Variants in NPAS3 observed in about 807,000 individuals in gnomAD.
NPAS3 encodes neuronal PAS domain-containing protein 3.
Under a neutral mutation model 73.1 loss-of-function variants are expected in NPAS3, and 14 were observed. The ratio of observed to expected loss-of-function variants is 0.19; its 90% CI spans 0.13 to 0.30. The LOEUF (loss-of-function observed/expected upper bound fraction) is 0.30, where lower values mean the gene tolerates loss of function less well. NPAS3 is among the 10% of genes least tolerant of loss of function. The pLI, the probability that NPAS3 is intolerant of heterozygous loss-of-function variation, is 1.00. For synonymous variants in NPAS3, 620 were observed against 541.5 expected (o/e 1.14, Z -2.01); for missense variants, 1,096 against 1,250.0 (o/e 0.88, Z 1.86).
At chr14:33,187,992 C>G (rs10149666) in intron 2 of NPAS3, among the ~76,000 whole-genome samples, 145,238 of 152,210 alleles carry the variant, frequency 0.95, 69,476 homozygotes, top group Non-Finnish European at 0.99. Context: ...TTTGCAAATG[C>G]AAAAGCTGAA....
intron 3 of NPAS3, among the ~76,000 whole-genome samples, chr14:33,358,207 C>T (rs1049874540): frequency 6.1e-4 from 93 of 152,180 alleles, no homozygotes; most frequent in African/African-American, 2.1e-3. Context: ...CAGGTGTGCA[C>T]GTCAGGGTTT....
chr14:33,180,603 T>C (rs187933471), intron 2 of NPAS3, among the ~76,000 whole-genome samples: 1 of 151,938 alleles, frequency 6.6e-6, no homozygotes, highest in Non-Finnish European at 1.5e-5. Context: ...ATCGAGACCA[T>C]CCTGGCTAAC....
Position 33,460,626 on chromosome 14 carries a change from C to T in NPAS3, c.468+93358C>T, listed in dbSNP as rs557324182. 1.7e-4 allele frequency among the ~76,000 whole-genome samples: 26 copies of T among 152,252 alleles called. No homozygotes were observed. In the South Asian group the frequency reaches 2.5e-3, roughly 15 times the overall value. On this transcript the variant is annotated intron_variant, in intron 4 of 11. Transcript: ENST00000356141. ...ATTGAATAATCACGTATATTTTCGGCGTACCCTACTGCCTCCTACCCTCCT... is the reference window on the plus strand; with the variant it reads ...ATTGAATAATCACGTATATTTTCGGTGTACCCTACTGCCTCCTACCCTCCT...
At chr14:33,656,701 A>T (rs1029937218) in intron 5 of NPAS3, among the ~76,000 whole-genome samples, 9 of 152,196 alleles carry the variant, frequency 5.9e-5, no homozygotes, top group African/African-American at 1.9e-4. Context: ...TTTCACAGTT[A>T]CCTTTCTTTG....
chr14:33,515,821 C>T (rs1157651273), intron 4 of NPAS3, among the ~76,000 whole-genome samples: 2 of 152,078 alleles, frequency 1.3e-5, no homozygotes, highest in African/African-American at 2.4e-5. Flanking sequence ...AACACCTTTA[C>T]GATCTCTTTT....
intron 4 of NPAS3, 112 bp from the exon 5 acceptor site, chr14:33,560,009 C>CAA (rs33950536): frequency 0.036 from 14,183 of 389,920 alleles, 1 homozygote; most frequent in East Asian, 0.062. Context: ...GACTCTGTCT[C>CAA]AAAAAAAAAA....
intron 5 of NPAS3, among the ~76,000 whole-genome samples, chr14:33,612,830 C>CTTCT (rs772535252): frequency 1.1e-4 from 16 of 152,152 alleles, no homozygotes; most frequent in Non-Finnish European, 1.9e-4. Flanking sequence ...AAATCTGAGG[C>CTTCT]TTCTTTCTCT....
intron 2 of NPAS3, among the ~76,000 whole-genome samples, chr14:33,151,400 T>C (rs1198362592): frequency 6.6e-6 from 1 of 152,220 alleles, no homozygotes; most frequent in East Asian, 1.9e-4. Flanking sequence ...GTAGCCTCTC[T>C]TCTGCCTTGG....
At chr14:33,729,319 C>T (rs72664554) in intron 6 of NPAS3, among the ~76,000 whole-genome samples, 3,509 of 152,210 alleles carry the variant, frequency 0.023, 74 homozygotes, top group African/African-American at 0.049. Context: ...ATGATCGTCA[C>T]GTATCCAAAA....
chr14:33,493,070 A>G (rs896708786), intron 4 of NPAS3, among the ~76,000 whole-genome samples: 1 of 152,150 alleles, frequency 6.6e-6, no homozygotes, highest in African/African-American at 2.4e-5. Context: ...TTACATTCTC[A>G]CTGCGTGAGC....
At chr14:33,376,893 A>G (rs1178291282) in intron 4 of NPAS3, among the ~76,000 whole-genome samples, 1 of 152,206 alleles carries the variant, frequency 6.6e-6, no homozygotes, top group African/African-American at 2.4e-5. Flanking sequence ...AGAACTTGAC[A>G]TGTAGAACAC....
At chr14:33,563,730 A>G (rs1413350899) in intron 5 of NPAS3, among the ~76,000 whole-genome samples, 1 of 152,158 alleles carries the variant, frequency 6.6e-6, no homozygotes, top group African/African-American at 2.4e-5. Flanking sequence ...TTTGGCTTGC[A>G]TAGAGACTGA....
chr14:33,070,388 G>A (rs1169799894), intron 2 of NPAS3, among the ~76,000 whole-genome samples: 6 of 151,876 alleles, frequency 4.0e-5, no homozygotes, highest in South Asian at 2.1e-4. Flanking sequence ...GAACTCATGC[G>A]GACATCTTTA....
intron 1 of NPAS3, among the ~76,000 whole-genome samples, chr14:32,958,012 A>G (rs1318284353): frequency 4.6e-5 from 7 of 152,326 alleles, no homozygotes; most frequent in African/African-American, 1.7e-4. Flanking sequence ...TTTAGCTTTT[A>G]CATTATAACC....
In NPAS3 at chr14:33,322,514, G is replaced by A. The variant is rs530464193; in HGVS notation, c.386-44672G>A. ...GTTACATACATACACATTTGTGTGT[G>A]TGTATGTGTGTGTGTGTGTGAAGGT... On this transcript the variant is annotated intron_variant, in intron 3 of 11. Transcript: ENST00000356141. Among the ~76,000 whole-genome samples, 17 of 144,906 alleles carry A rather than the reference G, an allele frequency of 1.2e-4. No individual in the cohort carries two copies. In the South Asian group the frequency reaches 2.7e-3, roughly 23 times the overall value.
chr14:33,178,565 G>A (rs527312418), intron 2 of NPAS3, among the ~76,000 whole-genome samples: 1 of 152,112 alleles, frequency 6.6e-6, no homozygotes, highest in East Asian at 1.9e-4. Context: ...TTTATTTCTA[G>A]GTATTCTTTT....
At chr14:33,005,985 T>C (rs986553516) in intron 1 of NPAS3, among the ~76,000 whole-genome samples, 4 of 152,288 alleles carry the variant, frequency 2.6e-5, no homozygotes, top group African/African-American at 9.6e-5. Flanking sequence ...TCCCTCCCCA[T>C]GAGCCAGCTG....
At chr14:33,553,601 A>G (rs2055221566) in intron 4 of NPAS3, among the ~76,000 whole-genome samples, 1 of 152,204 alleles carries the variant, frequency 6.6e-6, no homozygotes, top group Non-Finnish European at 1.5e-5. Flanking sequence ...GTATGAACCT[A>G]TGCTATCCTT....
In NPAS3 at chr14:33,692,799, AG is replaced by A. The variant is rs148823497; in HGVS notation, c.733+16415del. 1.7e-3 allele frequency among the ~76,000 whole-genome samples: 250 copies of A among 147,588 alleles called. 2 individuals carry two copies. In the East Asian group the frequency reaches 0.047, roughly 28 times the overall value. ...GTGAGCTTTGGGGTTTTTTTAAACA[AG>A]ATTTTTAAAACAAGTGTTTAAGTAG... On this transcript the variant is annotated intron_variant, in intron 6 of 11. Transcript: ENST00000356141.
Sources: gnomAD v4.1 joint callset for allele counts (sites outside exome capture counted in the v4.1 genomes callset) on GRCh38, gnomAD v4.1.1 for gene constraint, MANE v1.5 for transcripts, NCBI Gene and HGNC (gene_info 2026-07-23, HGNC 2026-07-21) for gene names.